Variants in COX11 observed in about 807,000 individuals in gnomAD.
COX11 encodes the protein cytochrome c oxidase copper chaperone COX11, also known as cytochrome c oxidase assembly protein COX11, mitochondrial.
Under a neutral mutation model 29.4 loss-of-function variants are expected in COX11, and 18 were observed. That is an observed-to-expected ratio of 0.61 (90% confidence interval 0.42 to 0.91). The LOEUF is 0.91. Among genes scored for constraint, COX11 ranks in the 40% least tolerant of loss-of-function variants. The pLI, the probability that COX11 is intolerant of heterozygous loss-of-function variation, is 0.00. For missense variants in COX11, 312 were observed against 346.0 expected (o/e 0.90, Z 0.78); for synonymous variants, 131 against 124.0 (o/e 1.06, Z -0.38).
At chr17:54,960,005 C>G (rs953324285), downstream of COX11, among the ~76,000 whole-genome samples, 1 of 152,044 alleles carries the variant, frequency 6.6e-6, no homozygotes, top group Non-Finnish European at 1.5e-5. Context: ...TCATATTTCT[C>G]ATTTCAATCA....
Position 54,968,371 on chromosome 17 carries a change from G to T in COX11, c.276C>A (p.Asn92Lys). 1 of 1,613,030 alleles carries T rather than the reference G, an allele frequency of 6.2e-7. No homozygotes were observed. The highest frequency in any genetic ancestry group is 8.5e-7 in the Non-Finnish European group (1 of 1,179,944). Reference sequence around the variant, plus strand: ...CGGCCACGTAAGTGAGGGTCGTCTTGTTCTGCCGCCGCCGCTCCTCCTCCT... The same window carrying T: ...CGGCCACGTAAGTGAGGGTCGTCTTTTTCTGCCGCCGCCGCTCCTCCTCCT... Reference protein sequence around the residue: ...RAQEEERRRQNKTTLTYVAAV... With the variant: ...RAQEEERRRQKKTTLTYVAAV... Residue 92 changes from asparagine to lysine, a missense_variant, in exon 1 of 4, where the codon AAC (asparagine) becomes AAA (lysine). Physicochemically the swap from Asn to Lys is moderately conservative, Grantham distance 94. Transcript: ENST00000299335.
chr17:54,955,708 A>C (rs1226535723), downstream of COX11, among the ~76,000 whole-genome samples: 1 of 152,066 alleles, frequency 6.6e-6, no homozygotes, highest in African/African-American at 2.4e-5. Context: ...ACCTGAAAGA[A>C]GGAACTTCTT....
chr17:54,964,277 G>A (rs1218093998), intron 2 of COX11, among the ~76,000 whole-genome samples: 3 of 152,058 alleles, frequency 2.0e-5, no homozygotes, highest in Admixed American at 6.5e-5. Context: ...TTTTCTTTTA[G>A]AAGGACAGGG....
chr17:54,962,787 G>A lies in COX11; in HGVS notation c.777C>T (p.Tyr259=). ...MIKVDLITLS[Y]TFFEAKEGHK... ...GCCCTTCCTTTGCTTCAAAAAAAGT[G>A]TAAGAAAGAGTGATAAGATCAACTT... is the stretch of plus-strand genomic sequence containing the variant. Residue 259 remains tyrosine, a synonymous_variant, in exon 4 of 4, where the codon TAC becomes TAT. Transcript: ENST00000299335. 5.0e-6 allele frequency: 8 copies of A among 1,612,968 alleles called. No individual in the cohort carries two copies. Among genetic ancestry groups the A allele is most frequent in the Non-Finnish European group, 5.9e-6 (7 of 1,179,306 alleles).
chr17:54,963,564 T>A (rs2077168446), intron 2 of COX11, 133 bp from the exon 3 acceptor site: 1 of 845,746 alleles, frequency 1.2e-6, no homozygotes, highest in African/African-American at 1.8e-5. Context: ...TTCAGCAAAA[T>A]AAATTGTGAA....
intron 1 of COX11, among the ~76,000 whole-genome samples, chr17:54,965,695 GAC>G (rs1301860822): frequency 6.6e-6 from 1 of 152,124 alleles, no homozygotes; most frequent in Non-Finnish European, 1.5e-5. Flanking sequence ...CGGGTGTGGT[GAC>G]ACGCGCCTGT....
At chr17:54,952,746 CG>C (rs1567843826) in exon 1 of COX11, 1 of 152,040 alleles carries the variant, frequency 6.6e-6, no homozygotes, top group East Asian at 1.9e-4. Context: ...TATCTAGTAC[CG>C]CATTAGCCAA....
chr17:54,964,681 C>T lies in COX11; in HGVS notation c.522+16G>A, dbSNP rs887955192. ...CATTAATAAAGTAATCTTTTAATGA[C>T]TGGTTAGTCACTTACATATATTTCT... On this transcript the variant is annotated intron_variant, in intron 2 of 3. Coordinates refer to ENST00000299335, the MANE Select transcript of COX11 (RefSeq NM_004375.5). 13 of 1,609,782 alleles carry T rather than the reference C, an allele frequency of 8.1e-6. No individual in the cohort carries two copies. The highest frequency in any genetic ancestry group is 1.3e-5 in the African/African-American group (1 of 74,780).
At chr17:54,966,528 T>C (rs999266415) in intron 1 of COX11, among the ~76,000 whole-genome samples, 2 of 152,166 alleles carry the variant, frequency 1.3e-5, no homozygotes, top group Admixed American at 6.5e-5. Flanking sequence ...GGTTATTTAG[T>C]AGCATTCCTA....
Position 54,961,076 on chromosome 17 carries a change from T to C in COX11, c.*1657A>G. The C allele has an allele frequency of 1.6e-6, 1 of 631,910 alleles. No individual in the cohort carries two copies. Among genetic ancestry groups the C allele is most frequent in the East Asian group, 2.8e-5 (1 of 36,340 alleles). 39.1% of individuals were successfully genotyped at this position (631,910 alleles called of 1,614,324 possible). A position where few individuals can be genotyped will look rare whatever the true frequency, so the allele number is the denominator to read the frequency against. ...CACCAATGAACTATCAAAACTTATT[T>C]ATTCCCCTTATACCCTCCCCTATGG... On this transcript the variant is annotated 3_prime_UTR_variant, in exon 4 of 4. Transcript: ENST00000299335.
At position 54,960,645 on chromosome 17, in the gene COX11, T is replaced by C. The variant is rs757718694; in HGVS notation, c.*2088A>G. The C allele has an allele frequency of 5.8e-6, 9 of 1,560,740 alleles. No individual in the cohort carries two copies. Among genetic ancestry groups the C allele is most frequent in the Non-Finnish European group, 7.1e-6 (8 of 1,132,412 alleles). ...TGACTGAGGTAAAGACTTCAACTTA[T>C]ACAACTTAATTCCATATTCCATATA... is the stretch of plus-strand genomic sequence containing the variant. On this transcript the variant is annotated 3_prime_UTR_variant, in exon 4 of 4. Transcript: ENST00000299335.
rs2077097445 is a variant in COX11, at chr17:54,960,658, C to A, written c.*2075G>T. 4.1e-5 allele frequency: 60 copies of A among 1,473,102 alleles called. No homozygotes were observed. Among genetic ancestry groups the A allele is most frequent in the Non-Finnish European group, 5.6e-5 (59 of 1,053,348 alleles). The allele number at this position is 1,473,102 out of a possible 1,614,324, so 91.3% of individuals were successfully genotyped here. A position where few individuals can be genotyped will look rare whatever the true frequency, so the allele number is the denominator to read the frequency against. ...GACTTCAACTTATACAACTTAATTC[C>A]ATATTCCATATAATTTCAGTATAAT... On this transcript the variant is annotated 3_prime_UTR_variant, in exon 4 of 4. Transcript: ENST00000299335.
At position 54,961,270 on chromosome 17, in the gene COX11, G is replaced by A; in HGVS notation, c.*1463C>T. ...ATGATCAGCTCACTACCACATCAAA[G>A]GTGCCAACTCTCTAAAACGTAGACT... On this transcript the variant is annotated 3_prime_UTR_variant, in exon 4 of 4. Coordinates refer to ENST00000299335, the MANE Select transcript of COX11 (RefSeq NM_004375.5). The A allele has an allele frequency of 1.3e-6, 2 of 1,551,268 alleles. No individual in the cohort carries two copies. Among genetic ancestry groups the A allele is most frequent in the Non-Finnish European group, 1.7e-6 (2 of 1,146,664 alleles).
Position 54,968,324 on chromosome 17 carries a change from C to T in COX11, c.323G>A (p.Gly108Glu), listed in dbSNP as rs1280734478. The change falls in exon 1 of 4, where the codon GGG becomes GAG. Residue 108 changes from glycine to glutamate, a missense_variant. By Grantham distance (98) the Gly-to-Glu change is moderately conservative. This residue lies in a region of COX11 where 182 missense variants were observed against 240.0 expected (regional missense o/e 0.76). Coordinates refer to ENST00000299335, the MANE Select transcript of COX11 (RefSeq NM_004375.5). The stretch of plus-strand genomic sequence containing the variant: ...AAGGGGTACGGCAGCGTAGGACGCC[C>T]CCAGCATGCCCACGGCGACAGCGGC... Reference protein sequence around the residue: ...YVAAVAVGMLGASYAAVPLYR... With the variant: ...YVAAVAVGMLEASYAAVPLYR... 1.2e-6 allele frequency: 2 copies of T among 1,612,758 alleles called. No homozygotes were observed. Among genetic ancestry groups the T allele is most frequent in the Non-Finnish European group, 1.7e-6 (2 of 1,179,900 alleles).
At chr17:54,952,113 C>T (rs1462239971) in exon 1 of COX11, 1 of 152,100 alleles carries the variant, frequency 6.6e-6, no homozygotes, top group Non-Finnish European at 1.5e-5. Flanking sequence ...TTTTTCTAAT[C>T]TGGAAGATAC....
At chr17:54,962,956 G>T in intron 3 of COX11, 41 bp from the exon 4 acceptor site, 1 of 1,527,108 alleles carries the variant, frequency 6.5e-7, no homozygotes, top group Non-Finnish European at 9.0e-7. Flanking sequence ...TTCTATTCTC[G>T]TATTACATAA....
At position 54,961,652 on chromosome 17, in the gene COX11, G is replaced by A. The variant is rs1323664969; in HGVS notation, c.*1081C>T. 17 of 1,083,608 alleles carry A rather than the reference G, an allele frequency of 1.6e-5. No individual in the cohort carries two copies. The highest frequency in any genetic ancestry group is 1.9e-5 in the Non-Finnish European group (17 of 892,012). 67.1% of individuals were successfully genotyped at this position (1,083,608 alleles called of 1,614,324 possible). A position where few individuals can be genotyped will look rare whatever the true frequency, so the allele number is the denominator to read the frequency against. ...AGAAACTGAATGTATTATTCAGGAA[G>A]AATACTGAGTGCCTTCATTTAACTA... On this transcript the variant is annotated 3_prime_UTR_variant, in exon 4 of 4. Coordinates refer to ENST00000299335, the MANE Select transcript of COX11 (RefSeq NM_004375.5).
chr17:54,968,309 G>A lies in COX11; in HGVS notation c.338C>T (p.Ala113Val). The A allele has an allele frequency of 6.2e-7, 1 of 1,612,760 alleles. No homozygotes were observed. The highest frequency in any genetic ancestry group is 8.5e-7 in the Non-Finnish European group (1 of 1,179,874). Reference sequence around the variant, plus strand: ...GCAATAGAGCCGATAAAGGGGTACGGCAGCGTAGGACGCCCCCAGCATGCC... The same window carrying A: ...GCAATAGAGCCGATAAAGGGGTACGACAGCGTAGGACGCCCCCAGCATGCC... ...AVGMLGASYAAVPLYRLYCQT... is the reference protein window; with the variant it reads ...AVGMLGASYAVVPLYRLYCQT... The change falls in exon 1 of 4, where the codon GCC becomes GTC. Residue 113 changes from alanine to valine, a missense_variant. Coordinates refer to ENST00000299335, the MANE Select transcript of COX11 (RefSeq NM_004375.5).
At chr17:54,956,743 C>T (rs1449764342), downstream of COX11, 2 of 152,202 alleles carry the variant, frequency 1.3e-5, no homozygotes, top group Admixed American at 6.5e-5. Context: ...CTATAACCAA[C>T]CAAGAATGCA....
Sources: gnomAD v4.1 joint callset for allele counts (sites outside exome capture counted in the v4.1 genomes callset) on GRCh38, gnomAD v4.1.1 for gene constraint, gnomAD v4.1.1 regional missense constraint, MANE v1.5 for transcripts, NCBI Gene and HGNC (gene_info 2026-07-23, HGNC 2026-07-21) for gene names.